FGD6: variants seen among roughly 807,000 people sequenced by gnomAD.
FGD6 encodes the protein FYVE, RhoGEF and PH domain-containing protein 6.
Under a neutral mutation model 149.4 loss-of-function variants are expected in FGD6, and 90 were observed. That is an observed-to-expected ratio of 0.60 (90% confidence interval 0.51 to 0.72). The LOEUF (loss-of-function observed/expected upper bound fraction) is 0.72. Ranked by LOEUF, FGD6 falls within the 30% of genes least tolerant of loss-of-function variation. The pLI, the probability that FGD6 is intolerant of heterozygous loss-of-function variation, is 0.00. For missense variants in FGD6, 1,437 were observed against 1,684.8 expected, an observed-to-expected ratio of 0.85 and a Z score of 2.57; for synonymous variants, 527 against 584.0, an observed-to-expected ratio of 0.90 and a Z score of 1.41.
At chr12:95,128,228 A>C (rs562019972) in intron 8 of FGD6, among the ~76,000 whole-genome samples, 1 of 152,248 alleles carries the variant, frequency 6.6e-6, no homozygotes, top group South Asian at 2.1e-4. Flanking sequence ...CTTGCACTGA[A>C]GTCTGCCTCT....
intron 3 of FGD6, among the ~76,000 whole-genome samples, chr12:95,170,503 A>G (rs758789106): frequency 3.3e-5 from 5 of 152,204 alleles, no homozygotes; most frequent in Admixed American, 2.6e-4. Flanking sequence ...TTAGCTGGGT[A>G]TGGTGATGGG....
chr12:95,125,618 A>G (rs1879314379), intron 8 of FGD6: 1 of 277,556 alleles, frequency 3.6e-6, no homozygotes, highest in Non-Finnish European at 6.9e-6. Flanking sequence ...CCTGGGAAAC[A>G]GAGCAAGACC....
intron 2 of FGD6, among the ~76,000 whole-genome samples, chr12:95,196,625 TA>T (rs1335612219): frequency 6.6e-6 from 1 of 151,816 alleles, no homozygotes; most frequent in Non-Finnish European, 1.5e-5. Flanking sequence ...ACAGTATTAA[TA>T]AACATGCCAA....
rs765270341 is a variant in FGD6, at chr12:95,153,007, C to T, written c.2587-14G>A. On this transcript the variant is annotated splice_polypyrimidine_tract_variant and intron_variant, in intron 3 of 20. Coordinates refer to ENST00000343958, the MANE Select transcript of FGD6 (RefSeq NM_018351.4). ...ATTATCTTCATCCTGTGGATAAGAG[C>T]ACATTTAACATGAACTCATAAAAGA... The T allele has an allele frequency of 4.4e-6, 7 of 1,608,044 alleles. No individual in the cohort carries two copies. In the South Asian group the frequency reaches 4.4e-5, roughly 10 times the overall value.
At chr12:95,134,420 A>G (rs1406150241) in intron 8 of FGD6, among the ~76,000 whole-genome samples, 2 of 152,104 alleles carry the variant, frequency 1.3e-5, no homozygotes, top group African/African-American at 4.8e-5. Context: ...ACCTTCTTGG[A>G]ATTAATAATA....
At chr12:95,207,214 G>A (rs968072870) in intron 2 of FGD6, among the ~76,000 whole-genome samples, 7 of 151,952 alleles carry the variant, frequency 4.6e-5, no homozygotes, top group African/African-American at 1.7e-4. Context: ...TCAATCTTTC[G>A]GTCTGCACTT....
intron 14 of FGD6, among the ~76,000 whole-genome samples, chr12:95,102,462 A>AAAAAAC (rs1565896318): frequency 1.4e-5 from 2 of 139,816 alleles, no homozygotes; most frequent in African/African-American, 5.1e-5. Flanking sequence ...AAAAAAAAAA[A>AAAAAAC]AAAAACACAA....
At chr12:95,085,956 T>C (rs1179953399) in intron 18 of FGD6, 48 bp from the exon 19 acceptor site, 3 of 1,547,674 alleles carry the variant, frequency 1.9e-6, no homozygotes, top group Non-Finnish European at 2.6e-6. Flanking sequence ...AGACAAATTA[T>C]AACAGCAAAA....
At chr12:95,175,285 G>A (rs1367341358) in intron 2 of FGD6, among the ~76,000 whole-genome samples, 1 of 152,112 alleles carries the variant, frequency 6.6e-6, no homozygotes, top group Non-Finnish European at 1.5e-5. Context: ...GTGTTTTCCA[G>A]CTGAATCCTC....
At chr12:95,169,244 AT>A (rs764090069) in intron 3 of FGD6, among the ~76,000 whole-genome samples, 4 of 152,010 alleles carry the variant, frequency 2.6e-5, no homozygotes, top group Non-Finnish European at 5.9e-5. Flanking sequence ...TCAACAATTT[AT>A]TGTATATTTT....
chr12:95,089,775 T>C (rs189067011), intron 17 of FGD6, 79 bp from the exon 18 acceptor site: 215 of 1,539,344 alleles, frequency 1.4e-4, no homozygotes, highest in Admixed American at 2.0e-4. Context: ...ATAAACACTG[T>C]TGCATAAAAT....
chr12:95,176,976 C>A (rs1036975134), intron 2 of FGD6, among the ~76,000 whole-genome samples: 1 of 151,984 alleles, frequency 6.6e-6, no homozygotes, highest in Non-Finnish European at 1.5e-5. Context: ...TATAGGTGTA[C>A]GCCACCATGC....
At chr12:95,185,539 G>A (rs969984711) in intron 2 of FGD6, among the ~76,000 whole-genome samples, 2 of 152,080 alleles carry the variant, frequency 1.3e-5, no homozygotes, top group Non-Finnish European at 2.9e-5. Context: ...TAGTTAATTG[G>A]ACTAAGTTTA....
intron 5 of FGD6, among the ~76,000 whole-genome samples, chr12:95,149,287 A>ATTAT (rs1251129019): frequency 1.3e-5 from 1 of 79,208 alleles, no homozygotes; most frequent in Non-Finnish European, 2.3e-5. Flanking sequence ...TAGCATATAT[A>ATTAT]ATATTATATA....
At position 95,113,646 on chromosome 12, in the gene FGD6, T is replaced by C; in HGVS notation, c.3133+5A>G. On this transcript the variant is annotated splice_donor_5th_base_variant and intron_variant, in intron 9 of 20. Transcript: ENST00000343958. ...AAAACTTCTGCAACCACAGAAGTTA[T>C]TTACCTTGAGTGTCTCTGTAATCTC... The C allele has an allele frequency of 1.3e-6, 2 of 1,588,590 alleles. No individual in the cohort carries two copies. The highest frequency in any genetic ancestry group is 1.7e-6 in the Non-Finnish European group (2 of 1,168,790).
chr12:95,078,608 C>T lies in FGD6; in HGVS notation c.*2912G>A, dbSNP rs1383110755. 2 of 152,104 alleles carry T rather than the reference C, an allele frequency of 1.3e-5. No homozygotes were observed. Among genetic ancestry groups the T allele is most frequent in the Non-Finnish European group, 2.9e-5 (2 of 68,022 alleles). The allele number at this position is 152,104 out of a possible 1,614,324, so 9.4% of individuals were successfully genotyped here. A position where few individuals can be genotyped will look rare whatever the true frequency, so the allele number is the denominator to read the frequency against. ...CACTCAAAGAATCAAGAATCTTGGG[C>T]AACCAAAATACAATAGGGGGATGCT... On this transcript the variant is annotated 3_prime_UTR_variant, in exon 21 of 21. Transcript: ENST00000343958.
intron 8 of FGD6, among the ~76,000 whole-genome samples, chr12:95,134,349 A>G (rs7957936): frequency 0.88 from 133,722 of 152,184 alleles, 59,110 homozygotes; most frequent in African/African-American, 0.97. Flanking sequence ...GGCTATGATA[A>G]TGCTATATAA....
At chr12:95,083,608 A>G (rs1180306835) in intron 20 of FGD6, among the ~76,000 whole-genome samples, 1 of 152,216 alleles carries the variant, frequency 6.6e-6, no homozygotes, top group African/African-American at 2.4e-5. Context: ...ATACTGTTGG[A>G]TATCCTAAAA....
At chr12:95,142,433 G>A (rs886820627) in intron 5 of FGD6, among the ~76,000 whole-genome samples, 1 of 151,840 alleles carries the variant, frequency 6.6e-6, no homozygotes, top group Admixed American at 6.6e-5. Context: ...GTGACCCACT[G>A]CACCCAGCCC....
Sources: gnomAD v4.1 joint callset for allele counts (sites outside exome capture counted in the v4.1 genomes callset) on GRCh38, gnomAD v4.1.1 for gene constraint, MANE v1.5 for transcripts, NCBI Gene and HGNC (gene_info 2026-07-23, HGNC 2026-07-21) for gene names.